Variants in TGFBR3 observed in about 807,000 individuals in gnomAD.
TGFBR3 encodes the protein transforming growth factor beta receptor 3, also known as transforming growth factor beta receptor type 3.
A neutral mutation model predicts 87.9 loss-of-function variants in TGFBR3; 46 were observed. That is an observed-to-expected ratio of 0.52 (90% CI 0.41 to 0.67). The LOEUF is 0.67. Ranked by LOEUF, TGFBR3 falls within the 30% of genes least tolerant of loss-of-function variation. TGFBR3 has a pLI of 0.00. For missense variants in TGFBR3, 866 were observed against 1,041.9 expected, an observed-to-expected ratio of 0.83 and a Z score of 2.32; for synonymous variants, 381 against 391.6, an observed-to-expected ratio of 0.97 and a Z score of 0.32.
intron 2 of TGFBR3, among the ~76,000 whole-genome samples, chr1:91,804,676 C>T (rs907071652): frequency 2.0e-5 from 3 of 152,244 alleles, no homozygotes; most frequent in Admixed American, 6.5e-5. Context: ...CTCCCAGCCA[C>T]GAAGGCTTGG....
At chr1:91,822,897 G>C (rs983172057) in intron 2 of TGFBR3, among the ~76,000 whole-genome samples, 9 of 152,146 alleles carry the variant, frequency 5.9e-5, no homozygotes, top group Non-Finnish European at 1.2e-4. Context: ...CTGCACTCCA[G>C]CCTGGGTGAC....
intron 16 of TGFBR3, among the ~76,000 whole-genome samples, chr1:91,692,106 T>C (rs1671287767): frequency 6.6e-6 from 1 of 152,166 alleles, no homozygotes; most frequent in Admixed American, 6.5e-5. Flanking sequence ...GATATTATAC[T>C]ACATGAGTTA....
intron 10 of TGFBR3, among the ~76,000 whole-genome samples, chr1:91,717,369 G>A (rs1571436285): frequency 6.6e-6 from 1 of 152,124 alleles, no homozygotes; most frequent in East Asian, 1.9e-4. Context: ...TATGGTGTAT[G>A]GATGTGGAAA....
Position 91,797,340 on chromosome 1 carries a change from G to A in TGFBR3, c.193C>T (p.His65Tyr), listed in dbSNP as rs1176161167. ...RGTTGLPQEV[H>Y]VLNLRTAGQG... ...CCTGCAGTGCGGAGATTCAGGACATGCACCTCCTGTGGCAGCCCAGTTGTG... is the reference window on the plus strand; with the variant it reads ...CCTGCAGTGCGGAGATTCAGGACATACACCTCCTGTGGCAGCCCAGTTGTG... Residue 65 changes from histidine (H) to tyrosine (Y), a missense_variant, in exon 3 of 17, where the codon CAT becomes TAT. Coordinates refer to ENST00000212355, the MANE Select transcript of TGFBR3 (RefSeq NM_003243.5). 6.2e-7 allele frequency: 1 copy of A among 1,614,234 alleles called. No homozygotes were observed.
intron 1 of TGFBR3, among the ~76,000 whole-genome samples, chr1:91,868,138 G>A (rs578171379): frequency 7.6e-4 from 115 of 152,246 alleles, no homozygotes; most frequent in African/African-American, 2.4e-3. Flanking sequence ...AGCTGGTCTC[G>A]AGCTCCTGAC....
At chr1:91,749,241 A>G (rs1267005614) in intron 4 of TGFBR3, among the ~76,000 whole-genome samples, 1 of 152,212 alleles carries the variant, frequency 6.6e-6, no homozygotes, top group African/African-American at 2.4e-5. Context: ...ATAAAGATGG[A>G]AAGGCCAGAG....
At chr1:91,734,993 G>C (rs371943056) in intron 4 of TGFBR3, 34 bp from the exon 5 acceptor site, 41 of 1,610,090 alleles carry the variant, frequency 2.5e-5, no homozygotes, top group Non-Finnish European at 3.4e-5. Context: ...TTAACATGGT[G>C]CAGTCACCGG....
intron 3 of TGFBR3, among the ~76,000 whole-genome samples, chr1:91,761,945 T>C (rs1448225851): frequency 6.6e-6 from 1 of 152,078 alleles, no homozygotes; most frequent in Non-Finnish European, 1.5e-5. Context: ...CATGAAGAAA[T>C]GATACAAAGA....
chr1:91,788,885 C>CT (rs1557711095), intron 3 of TGFBR3, among the ~76,000 whole-genome samples: 1 of 152,158 alleles, frequency 6.6e-6, no homozygotes, highest in Non-Finnish European at 1.5e-5. Flanking sequence ...TTATATAATT[C>CT]TTTTTTTAAA....
chr1:91,815,090 C>T (rs1239617871), intron 2 of TGFBR3, among the ~76,000 whole-genome samples: 3 of 152,064 alleles, frequency 2.0e-5, no homozygotes, highest in Middle Eastern at 3.2e-3. Context: ...TCACTTGAGG[C>T]CAGGAGTTCA....
intron 13 of TGFBR3, among the ~76,000 whole-genome samples, chr1:91,710,270 AC>A (rs17880893): frequency 1.3e-5 from 2 of 152,078 alleles, no homozygotes; most frequent in African/African-American, 2.4e-5. Flanking sequence ...CCCTACTCTT[AC>A]CCCCTCAAAA....
intron 3 of TGFBR3, among the ~76,000 whole-genome samples, chr1:91,781,546 T>C (rs1335000533): frequency 6.6e-6 from 1 of 152,128 alleles, no homozygotes; most frequent in Non-Finnish European, 1.5e-5. Context: ...AGATAAAGGA[T>C]AAATCTTTAT....
intron 2 of TGFBR3, among the ~76,000 whole-genome samples, chr1:91,898,585 C>T (rs538049664): frequency 4.6e-5 from 7 of 152,146 alleles, no homozygotes; most frequent in South Asian, 2.1e-4. Flanking sequence ...CACAGGCGCC[C>T]GCCACCACGC....
At chr1:91,892,835 A>G (rs1008418081) in intron 2 of TGFBR3, among the ~76,000 whole-genome samples, 9 of 152,240 alleles carry the variant, frequency 5.9e-5, no homozygotes, top group Non-Finnish European at 7.3e-5. Context: ...GTGTATTACT[A>G]TTCGTTTTGA....
chr1:91,743,223 C>T (rs1673219295), intron 4 of TGFBR3, among the ~76,000 whole-genome samples: 1 of 152,140 alleles, frequency 6.6e-6, no homozygotes, highest in South Asian at 2.1e-4. Flanking sequence ...TAGCCTCTCT[C>T]TGGGCCTCCC....
rs1195378486 is a variant in TGFBR3 at position 91,782,691 on chromosome 1, T to A, written c.246+14596A>T. Among the ~76,000 whole-genome samples the A allele has an allele frequency of 3.9e-5, 6 of 152,130 alleles. No homozygotes were observed. The East Asian group carries it at 9.7e-4, about 25-fold the overall frequency. On this transcript the variant is annotated intron_variant, in intron 3 of 16. Transcript: ENST00000212355. ...CCTCATGAAAAAATCCAACTGTAGGTCATTAAAAGACCCCAGGGGCATGGC... is the reference window on the plus strand; with the variant it reads ...CCTCATGAAAAAATCCAACTGTAGGACATTAAAAGACCCCAGGGGCATGGC...
In TGFBR3 at chr1:91,839,466, A is replaced by G. The variant is rs146636409; in HGVS notation, c.61+22005T>C. 3.3e-5 allele frequency among the ~76,000 whole-genome samples: 5 copies of G among 152,356 alleles called. No individual in the cohort carries two copies. The East Asian group carries it at 9.6e-4, about 29-fold the overall frequency. On this transcript the variant is annotated intron_variant, in intron 2 of 16. Coordinates refer to ENST00000212355, the MANE Select transcript of TGFBR3 (RefSeq NM_003243.5). ...ACTGCGTAATTTCAAAGTGAAAAATAGTACCTTTACACCAGAGAATTCTGG... is the reference window on the plus strand; with the variant it reads ...ACTGCGTAATTTCAAAGTGAAAAATGGTACCTTTACACCAGAGAATTCTGG...
At chr1:91,692,960 A>G (rs1359697441) in intron 16 of TGFBR3, among the ~76,000 whole-genome samples, 1 of 152,226 alleles carries the variant, frequency 6.6e-6, no homozygotes, top group African/African-American at 2.4e-5. Flanking sequence ...AATACAGCAT[A>G]TACGATCTGT....
At chr1:91,708,851 C>T (rs2100751566) in intron 13 of TGFBR3, 68 bp from the exon 14 acceptor site, 1 of 1,593,286 alleles carries the variant, frequency 6.3e-7, no homozygotes, top group Non-Finnish European at 8.5e-7. Flanking sequence ...GCTCTACCTG[C>T]ACAGCTGTCC....
Sources: gnomAD v4.1 joint callset for allele counts (sites outside exome capture counted in the v4.1 genomes callset) on GRCh38, gnomAD v4.1.1 for gene constraint, MANE v1.5 for transcripts, NCBI Gene and HGNC (gene_info 2026-07-23, HGNC 2026-07-21) for gene names.